Variants in MYO7A observed in about 807,000 individuals in gnomAD.
MYO7A encodes unconventional myosin-VIIa.
A neutral mutation model predicts 263.8 loss-of-function variants in MYO7A; 210 were observed. The observed-to-expected ratio is 0.80, with a 90% CI of 0.71 to 0.89. MYO7A has a LOEUF of 0.89. Ranked by LOEUF, MYO7A falls within the 40% of genes least tolerant of loss-of-function variation. The pLI is 0.00. For missense variants in MYO7A, 2,820 were observed against 2,968.3 expected, an observed-to-expected ratio of 0.95 and a Z score of 1.16; for synonymous variants, 1,239 against 1,197.3, an observed-to-expected ratio of 1.03 and a Z score of -0.72.
At chr11:77,142,669 C>T (rs547739983) in intron 2 of MYO7A, 40 bp from the exon 3 acceptor site, 16 of 1,538,758 alleles carry the variant, frequency 1.0e-5, no homozygotes, top group African/African-American at 4.1e-5. Context: ...TCCAATCCCC[C>T]TCCCTGCTCA....
At chr11:77,180,675 G>T (rs79012431) in intron 22 of MYO7A, among the ~76,000 whole-genome samples, 194 bp downstream of exon 22, 5 of 152,208 alleles carry the variant, frequency 3.3e-5, no homozygotes, top group African/African-American at 1.2e-4. Flanking sequence ...AAGGATGAAG[G>T]GCTGTGGTGG....
At chr11:77,193,271 ATGG>A (rs1956355856) in intron 31 of MYO7A, among the ~76,000 whole-genome samples, 1 of 136,862 alleles carries the variant, frequency 7.3e-6, no homozygotes, top group South Asian at 2.5e-4. Flanking sequence ...GGTGGTGGTG[ATGG>A]TGGAGGTAGT....
intron 3 of MYO7A, among the ~76,000 whole-genome samples, chr11:77,144,643 C>T (rs1283749307): frequency 6.6e-6 from 1 of 151,666 alleles, no homozygotes; most frequent in Non-Finnish European, 1.5e-5. Flanking sequence ...TCATCTCTTA[C>T]CCCTCTGTCT....
Position 77,205,452 on chromosome 11 carries a change from C to T in MYO7A, c.5481-10C>T. 1.3e-6 allele frequency: 2 copies of T among 1,558,168 alleles called. No individual in the cohort carries two copies. Among genetic ancestry groups the T allele is most frequent in the Non-Finnish European group, 1.7e-6 (2 of 1,151,054 alleles). ...GCTGCCCCTGCTGGAGCCCACGCCT[C>T]CTCCTGCAGGTACAGCGAGGAGCGG... On this transcript the variant is annotated splice_polypyrimidine_tract_variant and intron_variant, in intron 39 of 48. Coordinates refer to ENST00000409709, the MANE Select transcript of MYO7A (RefSeq NM_000260.4).
chr11:77,205,371 AG>A, intron 39 of MYO7A, 90 bp from the exon 40 acceptor site: 8 of 1,430,644 alleles, frequency 5.6e-6, no homozygotes, highest in South Asian at 1.3e-5. Flanking sequence ...TGAGCAGCTG[AG>A]GGGTACATGG....
chr11:77,166,603 C>T (rs756152919), intron 15 of MYO7A, among the ~76,000 whole-genome samples: 4 of 152,216 alleles, frequency 2.6e-5, no homozygotes, highest in African/African-American at 9.7e-5. Context: ...CAGCCCCCTC[C>T]GCCTTTCCTT....
chr11:77,130,217 G>A (rs72931561), intron 1 of MYO7A, among the ~76,000 whole-genome samples: 75 of 152,340 alleles, frequency 4.9e-4, no homozygotes, highest in East Asian at 9.6e-4. Context: ...GCTGAGTGCC[G>A]GAGATTAAGT....
chr11:77,204,993 A>G (rs756256129), intron 39 of MYO7A, among the ~76,000 whole-genome samples: 4 of 152,174 alleles, frequency 2.6e-5, no homozygotes, highest in Non-Finnish European at 4.4e-5. Context: ...CAGGCCCAAG[A>G]AGCTCAGAGT....
chr11:77,210,750 A>G (rs539908552), intron 44 of MYO7A: 1 of 160,228 alleles, frequency 6.2e-6, no homozygotes, highest in Non-Finnish European at 1.4e-5. Context: ...TCTCAAGAGA[A>G]CCCAATGCAA....
At chr11:77,165,465 C>T (rs1387418959) in intron 14 of MYO7A, among the ~76,000 whole-genome samples, 1 of 152,184 alleles carries the variant, frequency 6.6e-6, no homozygotes, top group African/African-American at 2.4e-5. Context: ...CTCCTTTGCA[C>T]CAGCGTCCTG....
chr11:77,204,140 C>T lies in MYO7A; in HGVS notation c.5391C>T (p.Asp1797=), dbSNP rs771261786. 1.3e-6 allele frequency: 2 copies of T among 1,598,818 alleles called. No homozygotes were observed. The highest frequency in any genetic ancestry group is 1.7e-5 in the Admixed American group (1 of 58,200). ...KRTRSVNELT[D]QIFEGPLKAE... is the part of the protein sequence containing the mutation. The stretch of plus-strand genomic sequence containing the variant: ...CACGCTCCGTCAACGAGCTCACCGA[C>T]CAGATCTTTGAGGGTCCCCTGAAAG... Residue 1797 remains aspartate (D), a synonymous_variant, in exon 39 of 49, where the codon GAC becomes GAT. Transcript: ENST00000409709.
intron 2 of MYO7A, among the ~76,000 whole-genome samples, chr11:77,133,122 G>C (rs1303237934): frequency 6.6e-6 from 1 of 152,172 alleles, no homozygotes; most frequent in Non-Finnish European, 1.5e-5. Flanking sequence ...GGGATGAGAG[G>C]GCACCTGGGA....
chr11:77,156,941 G>T lies in MYO7A; in HGVS notation c.672G>T (p.Arg224=). 6.2e-7 allele frequency: 1 copy of T among 1,614,012 alleles called. No individual in the cohort carries two copies. The highest frequency in any genetic ancestry group is 1.1e-5 in the South Asian group (1 of 91,086). Residue 224 remains arginine, a synonymous_variant, in exon 7 of 49, where the codon CGG becomes CGT. Coordinates refer to ENST00000409709, the MANE Select transcript of MYO7A (RefSeq NM_000260.4). The part of the protein sequence containing the change: ...GKYIDIHFNK[R]GAIEGAKIEQ... ...ACATCGACATCCACTTCAACAAGCG[G>T]GGCGCCATCGAGGGCGCGAAGATTG...
intron 11 of MYO7A, among the ~76,000 whole-genome samples, chr11:77,160,740 GCTT>G (rs1262549364): frequency 1.3e-5 from 2 of 152,150 alleles, no homozygotes; most frequent in Non-Finnish European, 2.9e-5. Flanking sequence ...GTCAGGGAAG[GCTT>G]CTCCAAGAGG....
chr11:77,157,907 C>T (rs1204146113), intron 8 of MYO7A, among the ~76,000 whole-genome samples: 1 of 152,160 alleles, frequency 6.6e-6, no homozygotes, highest in Non-Finnish European at 1.5e-5. Flanking sequence ...CAGTACCTGC[C>T]TAGGGGGTCG....
intron 44 of MYO7A, 57 bp downstream of exon 44, chr11:77,208,860 G>A (rs1315234800): frequency 1.4e-6 from 2 of 1,387,794 alleles, no homozygotes; most frequent in African/African-American, 2.9e-5. Flanking sequence ...CTGTACTTTG[G>A]CCCTGAAAGC....
intron 15 of MYO7A, among the ~76,000 whole-genome samples, chr11:77,166,443 G>T (rs1243776746): frequency 2.0e-5 from 3 of 152,172 alleles, no homozygotes; most frequent in Admixed American, 6.5e-5. Context: ...TACTGTGGGG[G>T]TTCACCCCCT....
chr11:77,211,301 C>G lies in MYO7A; in HGVS notation c.6201C>G (p.Asp2067Glu). Residue 2067 changes from aspartate to glutamate, a missense_variant, in exon 45 of 49, where the codon GAC becomes GAG. By Grantham distance (45) the Asp-to-Glu change is conservative (BLOSUM62 2). Coordinates refer to ENST00000409709, the MANE Select transcript of MYO7A (RefSeq NM_000260.4). ...PKLLRELVPQ[D>E]LIRQVSPDDW... is the part of the protein sequence containing the mutation. The stretch of plus-strand genomic sequence containing the variant: ...TGCTGCGGGAGCTGGTGCCCCAGGA[C>G]CTTATCCGGCAGGTCTCACCTGATG... 1 of 1,583,242 alleles carries G rather than the reference C, an allele frequency of 6.3e-7. No individual in the cohort carries two copies. Among genetic ancestry groups the G allele is most frequent in the Non-Finnish European group, 8.6e-7 (1 of 1,165,070 alleles).
Position 77,130,598 on chromosome 11 carries a change from T to C in MYO7A, c.-37T>C. On this transcript the variant is annotated 5_prime_UTR_variant, in exon 2 of 49. Transcript: ENST00000409709. Reference sequence around the variant, plus strand: ...GTCTCTCTCCCTGCAGAACTGTGCCTGGCCCAGTGGGCAGCAGGAGCTCCT... The same window carrying C: ...GTCTCTCTCCCTGCAGAACTGTGCCCGGCCCAGTGGGCAGCAGGAGCTCCT... The C allele has an allele frequency of 6.2e-7, 1 of 1,611,632 alleles. No homozygotes were observed. The highest frequency in any genetic ancestry group is 8.5e-7 in the Non-Finnish European group (1 of 1,178,868).
Sources: gnomAD v4.1 joint callset for allele counts (sites outside exome capture counted in the v4.1 genomes callset) on GRCh38, gnomAD v4.1.1 for gene constraint, MANE v1.5 for transcripts, NCBI Gene and HGNC (gene_info 2026-07-23, HGNC 2026-07-21) for gene names.